Variants in SPATA1 observed in about 807,000 individuals in gnomAD.
SPATA1 encodes the protein spermatogenesis-associated protein 1.
In SPATA1, 57 loss-of-function variants were observed where a neutral mutation model predicts 59.6. That is an observed-to-expected ratio of 0.96 (90% confidence interval 0.77 to 1.19). The LOEUF (loss-of-function observed/expected upper bound fraction) is 1.19. Ranked by LOEUF, SPATA1 falls within the 50% of genes most tolerant of loss-of-function variation. The pLI, the probability that SPATA1 is intolerant of heterozygous loss-of-function variation, is 0.00. For missense variants in SPATA1, 448 were observed against 480.7 expected (o/e 0.93, Z 0.64); for synonymous variants, 147 against 163.9 (o/e 0.90, Z 0.79).
intron 1 of SPATA1, among the ~76,000 whole-genome samples, chr1:84,513,197 G>A (rs1314391389): frequency 1.3e-5 from 2 of 152,168 alleles, no homozygotes; most frequent in African/African-American, 2.4e-5. Context: ...TCGGCTCGGC[G>A]CAATCTCGGC....
intron 2 of SPATA1, among the ~76,000 whole-genome samples, chr1:84,518,020 CTATA>C (rs1338673887): frequency 6.6e-6 from 1 of 151,896 alleles, no homozygotes; most frequent in Non-Finnish European, 1.5e-5. Context: ...CCCTTGAAGG[CTATA>C]TAGTTAACTG....
At chr1:84,512,303 A>C (rs927974917) in intron 1 of SPATA1, among the ~76,000 whole-genome samples, 12 of 152,214 alleles carry the variant, frequency 7.9e-5, no homozygotes, top group African/African-American at 2.9e-4. Context: ...GATCTTGAAG[A>C]GTTCAAGTCA....
chr1:84,533,754 ACAGGACAAT>A (rs1683565239), exon 8 of SPATA1: 2 of 1,563,318 alleles, frequency 1.3e-6, no homozygotes, highest in African/African-American at 2.7e-5. Context: ...TCAGTAGAAG[ACAGGACAAT>A]CAGGTACTAT....
intron 4 of SPATA1, chr1:84,563,407 A>G (rs764296657): frequency 6.6e-5 from 102 of 1,536,086 alleles, no homozygotes; most frequent in Non-Finnish European, 8.9e-5. Flanking sequence ...TTGCAATGGT[A>G]CAAACATGAT....
chr1:84,530,189 A>C (rs4907079), intron 6 of SPATA1, among the ~76,000 whole-genome samples: 56,970 of 151,970 alleles, frequency 0.37, 12,658 homozygotes, highest in African/African-American at 0.62. Context: ...CGAGCCTAAG[A>C]TTCTTAAGGT....
chr1:84,551,224 C>G (rs979215231), intron 12 of SPATA1: 19 of 984,904 alleles, frequency 1.9e-5, no homozygotes, highest in Non-Finnish European at 2.2e-5. Context: ...AAAATGAGAA[C>G]GATAATTATA....
intron 8 of SPATA1, among the ~76,000 whole-genome samples, chr1:84,540,833 T>G (rs1400434599): frequency 6.6e-6 from 1 of 152,188 alleles, no homozygotes; most frequent in African/African-American, 2.4e-5. Context: ...GAGCTAGGAA[T>G]GTGTTTTATG....
chr1:84,554,898 T>C (rs1179196922), downstream of SPATA1: 1 of 863,470 alleles, frequency 1.2e-6, no homozygotes, highest in Admixed American at 2.5e-5. Flanking sequence ...TTTTTTAGTA[T>C]ACGGATAACA....
intron 10 of SPATA1, among the ~76,000 whole-genome samples, chr1:84,546,989 T>C (rs1352852650): frequency 6.6e-6 from 1 of 152,086 alleles, no homozygotes; most frequent in Non-Finnish European, 1.5e-5. Context: ...GTGTTGAGGA[T>C]TATAAGGATA....
At chr1:84,514,351 T>G (rs1682704994) in intron 1 of SPATA1, among the ~76,000 whole-genome samples, 1 of 152,160 alleles carries the variant, frequency 6.6e-6, no homozygotes, top group Non-Finnish European at 1.5e-5. Flanking sequence ...TGCCATTACT[T>G]TAGAAGGGAT....
intron 8 of SPATA1, among the ~76,000 whole-genome samples, chr1:84,541,477 C>T (rs1353436532): frequency 6.6e-6 from 1 of 151,458 alleles, no homozygotes; most frequent in Non-Finnish European, 1.5e-5. Context: ...TATTTTTGGT[C>T]ATATATGTTC....
intron 4 of SPATA1, among the ~76,000 whole-genome samples, chr1:84,559,991 G>GT (rs1283824265): frequency 6.7e-6 from 1 of 149,792 alleles, no homozygotes; most frequent in East Asian, 2.0e-4. Context: ...AAGCTGAGGA[G>GT]TAGAATTGCT....
intron 8 of SPATA1, among the ~76,000 whole-genome samples, chr1:84,535,021 C>T (rs1347919349): frequency 7.2e-5 from 11 of 152,082 alleles, no homozygotes; most frequent in South Asian, 2.1e-4. Flanking sequence ...AAGAGAACCA[C>T]GAATCTCAAA....
chr1:84,517,182 C>T (rs561818913), intron 2 of SPATA1, among the ~76,000 whole-genome samples: 66 of 152,290 alleles, frequency 4.3e-4, no homozygotes, highest in African/African-American at 1.1e-3. Flanking sequence ...ACATAGGCTT[C>T]GCTAGGCTTC....
chr1:84,553,908 T>C (rs1360964360), exon 13 of SPATA1: 1 of 152,200 alleles, frequency 6.6e-6, no homozygotes, highest in Non-Finnish European at 1.5e-5. Context: ...AAAACAGACT[T>C]TATTACATTT....
At chr1:84,565,880 T>C (rs926151224) in exon 5 of SPATA1, 5 of 1,577,848 alleles carry the variant, frequency 3.2e-6, no homozygotes, top group Non-Finnish European at 4.3e-6. Flanking sequence ...GCTGCTGCAA[T>C]ACATTCTGAC....
At chr1:84,532,965 C>A in exon 7 of SPATA1, 1 of 1,547,514 alleles carries the variant, frequency 6.5e-7, no homozygotes, top group Non-Finnish European at 8.7e-7. Context: ...TGCTTTGGCA[C>A]TAAAAAAAGG....
At chr1:84,548,225 A>G (rs1472596666) in intron 10 of SPATA1, among the ~76,000 whole-genome samples, 2 of 152,010 alleles carry the variant, frequency 1.3e-5, no homozygotes, top group African/African-American at 4.8e-5. Context: ...AAAGAAAGAA[A>G]CTAAACAAAT....
At chr1:84,544,561 TTTTTA>T (rs1048806671) in intron 9 of SPATA1, among the ~76,000 whole-genome samples, 8 of 151,058 alleles carry the variant, frequency 5.3e-5, no homozygotes, top group African/African-American at 1.2e-4. Flanking sequence ...AGGAATTTTA[TTTTTA>T]TTTTATTTTT....
Sources: allele counts gnomAD v4.1 joint callset (sites outside exome capture counted in the v4.1 genomes callset), GRCh38; gene constraint gnomAD v4.1.1; transcripts MANE v1.5; gene names NCBI Gene and HGNC (gene_info 2026-07-23, HGNC 2026-07-21).